The following SLC47A2 variants were observed in gnomAD, a reference collection of about 807,000 sequenced individuals.
SLC47A2 encodes the protein solute carrier family 47 member 2, also known as multidrug and toxin extrusion protein 2.
A neutral mutation model predicts 67.7 loss-of-function variants in SLC47A2; 52 were observed. The observed-to-expected ratio is 0.77, with a 90% CI of 0.61 to 0.97. The LOEUF (loss-of-function observed/expected upper bound fraction) is 0.97, where lower values mean the gene tolerates loss of function less well. Among genes scored for constraint, SLC47A2 ranks in the 50% least tolerant of loss-of-function variants. The probability of loss-of-function intolerance (pLI) is 0.00; values close to 1 mark genes in which losing one functional copy is unlikely to be tolerated. For missense variants in SLC47A2, 676 were observed against 712.3 expected, an observed-to-expected ratio of 0.95 and a Z score of 0.58; for synonymous variants, 278 against 292.9, an observed-to-expected ratio of 0.95 and a Z score of 0.52.
In SLC47A2 at chr17:19,678,882, A is replaced by G. The variant is rs2085249262; in HGVS notation, c.1505T>C (p.Ile502Thr). ...SSVATGSSPG[I>T]TLTTYSRSEC... ...AGACCTTGAATACGTTGTCAAGGTA[A>G]TGCCAGGGGAACTGCCTGTAGCCAC... The change falls in exon 17 of 17, where the codon ATT (isoleucine) becomes ACT (threonine). Residue 502 changes from isoleucine (I) to threonine (T), a missense_variant. Physicochemically the swap from Ile to Thr is moderately conservative, Grantham distance 89. Coordinates refer to ENST00000433844, the MANE Select transcript of SLC47A2 (RefSeq NM_001099646.3). 1.3e-6 allele frequency: 2 copies of G among 1,585,520 alleles called. No individual in the cohort carries two copies. Among genetic ancestry groups the G allele is most frequent in the Non-Finnish European group, 1.7e-6 (2 of 1,164,580 alleles).
chr17:19,706,089 C>T (rs1406338617), intron 9 of SLC47A2, among the ~76,000 whole-genome samples: 10 of 152,182 alleles, frequency 6.6e-5, no homozygotes, highest in African/African-American at 1.9e-4. Context: ...TCCGGCAACT[C>T]GAGTTCGGTT....
At chr17:19,701,146 C>A (rs113389786) in intron 13 of SLC47A2, among the ~76,000 whole-genome samples, 2 of 136,612 alleles carry the variant, frequency 1.5e-5, no homozygotes, top group African/African-American at 2.8e-5. Context: ...CCAGCCTGGG[C>A]GACAGAATGA....
chr17:19,707,705 G>A (rs763896583), intron 8 of SLC47A2, 41 bp downstream of exon 8: 18 of 1,531,742 alleles, frequency 1.2e-5, no homozygotes, highest in East Asian at 2.4e-5. Context: ...CAGCACCACC[G>A]CTGGCCTGCT....
chr17:19,708,176 C>T, intron 7 of SLC47A2, 126 bp downstream of exon 7: 3 of 1,095,026 alleles, frequency 2.7e-6, no homozygotes, highest in Non-Finnish European at 3.9e-6. Flanking sequence ...CCCTCCAACT[C>T]CCCATAACCC....
At chr17:19,715,293 A>G (rs2086223428) in intron 1 of SLC47A2, 76 bp from the exon 2 acceptor site, 1 of 1,349,830 alleles carries the variant, frequency 7.4e-7, no homozygotes, top group Non-Finnish European at 1.0e-6. Context: ...AGGCCTCTCC[A>G]GCTTTGAGGG....
Position 19,715,193 on chromosome 17 carries a change from T to A in SLC47A2, c.148A>T (p.Met50Leu), listed in dbSNP as rs761934337. The A allele has an allele frequency of 1.9e-6, 3 of 1,611,192 alleles. No individual in the cohort carries two copies. In the South Asian group the frequency reaches 3.3e-5, roughly 18 times the overall value. The change falls in exon 2 of 17, where the codon ATG becomes TTG. Residue 50 changes from methionine (M) to leucine (L), a missense_variant. Met to Leu is a conservative substitution (Grantham distance 15). Transcript: ENST00000433844. ...AACACAGTGCTCACGATGTAGATCA[T>A]AAAAGTCAGCACCTGGAACAGGAAC... The part of the protein sequence containing the change: ...PLFLFQVLTF[M>L]IYIVSTVFCG...
rs945895479 is a variant in SLC47A2 at position 19,715,321 on chromosome 17, G to A, written c.124-104C>T. On this transcript the variant is annotated intron_variant, in intron 1 of 16. Transcript: ENST00000433844. ...TTTGAGGGCCCCGCACCAGTGCCCCGAGAGGTCACCTACGCCTGGGGAAGC... is the reference window on the plus strand; with the variant it reads ...TTTGAGGGCCCCGCACCAGTGCCCCAAGAGGTCACCTACGCCTGGGGAAGC... The A allele has an allele frequency of 1.3e-5, 13 of 992,006 alleles. No individual in the cohort carries two copies. In the African/African-American group the frequency reaches 1.5e-4, roughly 11 times the overall value. 61.5% of individuals were successfully genotyped at this position (992,006 alleles called of 1,614,324 possible). A position where few individuals can be genotyped will look rare whatever the true frequency, so the allele number is the denominator to read the frequency against.
intron 13 of SLC47A2, among the ~76,000 whole-genome samples, chr17:19,692,120 C>T (rs2085554836): frequency 6.6e-6 from 1 of 151,424 alleles, no homozygotes. Context: ...CCCAGCTACT[C>T]AGGAGGCTGA....
chr17:19,684,654 A>T (rs139700049), intron 13 of SLC47A2, among the ~76,000 whole-genome samples: 3,438 of 151,232 alleles, frequency 0.023, 74 homozygotes, highest in African/African-American at 0.052. Context: ...TGAGGCCAGG[A>T]GTTAGAGACC....
chr17:19,694,241 C>G (rs1056154105), intron 13 of SLC47A2, among the ~76,000 whole-genome samples: 5 of 152,156 alleles, frequency 3.3e-5, no homozygotes, highest in African/African-American at 1.2e-4. Flanking sequence ...AAAATCTCAG[C>G]ATGCTTTTTA....
intron 13 of SLC47A2, among the ~76,000 whole-genome samples, chr17:19,699,105 G>C (rs1051316006): frequency 1.3e-5 from 2 of 152,128 alleles, no homozygotes; most frequent in African/African-American, 4.8e-5. Context: ...AAGATCACTG[G>C]AATGGAAGAG....
chr17:19,697,357 C>A (rs753976464), intron 13 of SLC47A2, among the ~76,000 whole-genome samples: 6 of 151,992 alleles, frequency 3.9e-5, no homozygotes, highest in Non-Finnish European at 8.8e-5. Context: ...ACAGGGCACA[C>A]TTTGGGAGAC....
intron 4 of SLC47A2, among the ~76,000 whole-genome samples, chr17:19,713,417 ATC>A (rs1597643480): frequency 4.0e-5 from 6 of 149,160 alleles, no homozygotes; most frequent in East Asian, 3.9e-4. Context: ...AATAATAATC[ATC>A]ATCATCATCA....
rs2085403216 is a variant in SLC47A2 at position 19,685,303 on chromosome 17, C to G, written c.1165-3633G>C. Among the ~76,000 whole-genome samples the G allele has an allele frequency of 6.6e-6, 1 of 152,082 alleles. No homozygotes were observed. Among genetic ancestry groups the G allele is most frequent in the Admixed American group, 6.5e-5 (1 of 15,268 alleles). ...GTGAGCAGCGTCTCTGCTTGGCTGC[C>G]CATCGTCTGGGATGTGAGGAGCCCC... is the stretch of plus-strand genomic sequence containing the variant. On this transcript the variant is annotated intron_variant, in intron 13 of 16. Transcript: ENST00000433844. The surrounding 1 kb of genome is among the most constrained non-coding windows in gnomAD (Gnocchi z 4.5).
chr17:19,682,065 TTAAAA>T (rs2085326281), intron 13 of SLC47A2, among the ~76,000 whole-genome samples: 2 of 152,264 alleles, frequency 1.3e-5, no homozygotes, highest in East Asian at 3.9e-4. Flanking sequence ...ATATTGTGGC[TTAAAA>T]TAACATAAAT....
At chr17:19,682,943 A>G (rs1013679042) in intron 13 of SLC47A2, among the ~76,000 whole-genome samples, 10 of 152,212 alleles carry the variant, frequency 6.6e-5, no homozygotes, top group African/African-American at 2.4e-4. Context: ...ATCCTTGGTC[A>G]GGATTATTGG....
chr17:19,704,145 G>A lies in SLC47A2; in HGVS notation c.943C>T (p.Arg315Ter), dbSNP rs369994046. The change falls in exon 11 of 17, where the codon CGA (arginine) becomes TGA (stop). Residue 315 changes from arginine to a stop codon, truncating the protein, a stop_gained. Transcript: ENST00000433844. LOFTEE classifies it high-confidence loss of function. Reference protein sequence around the residue: ...PLGLSIGVCVRVGMALGAADT... With the variant: ...PLGLSIGVCV ...GCAGCCCCCAGAGCCATCCCCACTCGGACACAGACCCCGATGCTGAGCCCC... is the reference window on the plus strand; with the variant it reads ...GCAGCCCCCAGAGCCATCCCCACTCAGACACAGACCCCGATGCTGAGCCCC... 9 of 1,612,094 alleles carry A rather than the reference G, an allele frequency of 5.6e-6. No homozygotes were observed. The African/African-American group carries it at 6.7e-5, about 12-fold the overall frequency.
At chr17:19,703,200 C>T in intron 11 of SLC47A2, 33 bp from the exon 12 acceptor site, 1 of 1,605,138 alleles carries the variant, frequency 6.2e-7, no homozygotes. Flanking sequence ...CAATGACAGA[C>T]CCCAAGCCAG....
At chr17:19,716,351 C>G (rs1396829518) in intron 1 of SLC47A2, 82 bp downstream of exon 1, 2 of 1,493,646 alleles carry the variant, frequency 1.3e-6, no homozygotes, top group Non-Finnish European at 1.8e-6. Flanking sequence ...GAGCACATTT[C>G]TGGATCCTGC....
Sources: allele counts gnomAD v4.1 joint callset (sites outside exome capture counted in the v4.1 genomes callset), GRCh38; gene constraint gnomAD v4.1.1; non-coding constraint Gnocchi (gnomAD v3.1); transcripts MANE v1.5; gene names NCBI Gene and HGNC (gene_info 2026-07-23, HGNC 2026-07-21).